Variants in LRMDA observed in about 807,000 individuals in gnomAD.
The protein encoded by LRMDA is leucine rich melanocyte differentiation associated.
Under a neutral mutation model 29.8 loss-of-function variants are expected in LRMDA, and 18 were observed. That is an observed-to-expected ratio of 0.60 (90% CI 0.42 to 0.90). The LOEUF (loss-of-function observed/expected upper bound fraction) is 0.90. Among genes scored for constraint, LRMDA ranks in the 40% least tolerant of loss-of-function variants. LRMDA has a pLI of 0.00. For missense variants in LRMDA, 273 were observed against 273.9 expected (o/e 1.00, Z 0.02); for synonymous variants, 125 against 109.4 (o/e 1.14, Z -0.89).
intron 2 of LRMDA, among the ~76,000 whole-genome samples, chr10:76,022,831 C>G (rs945348537): frequency 6.6e-6 from 1 of 152,148 alleles, no homozygotes; most frequent in African/African-American, 2.4e-5. Context: ...TGTTAGGGTA[C>G]CTTTCTATTC....
chr10:75,661,313 G>GA (rs1202906800), intron 2 of LRMDA, among the ~76,000 whole-genome samples: 32 of 152,230 alleles, frequency 2.1e-4, no homozygotes, highest in Non-Finnish European at 4.4e-4. Context: ...GAACTTCTCA[G>GA]AGAAGATACT....
intron 6 of LRMDA, among the ~76,000 whole-genome samples, chr10:76,334,798 A>C (rs1840947273): frequency 6.6e-6 from 1 of 151,870 alleles, no homozygotes; most frequent in African/African-American, 2.4e-5. Flanking sequence ...TCAATCAGTC[A>C]CTCAACCATG....
At chr10:75,692,220 ATATAT>A (rs1425273036) in intron 2 of LRMDA, among the ~76,000 whole-genome samples, 7,550 of 61,232 alleles carry the variant, frequency 0.12, 309 homozygotes, top group Middle Eastern at 0.15. Flanking sequence ...AAAAAAAAAA[ATATAT>A]ATATATATAT....
chr10:75,447,476 A>T (rs1844408450), intron 2 of LRMDA, among the ~76,000 whole-genome samples: 1 of 152,186 alleles, frequency 6.6e-6, no homozygotes, highest in South Asian at 2.1e-4. Context: ...CAATGAGCCA[A>T]GATCACACCA....
intron 6 of LRMDA, among the ~76,000 whole-genome samples, chr10:76,504,136 T>A (rs1307523220): frequency 1.3e-5 from 2 of 151,992 alleles, no homozygotes; most frequent in African/African-American, 4.8e-5. Context: ...ATTTGTATAG[T>A]TTTGAGAGAT....
intron 5 of LRMDA, among the ~76,000 whole-genome samples, chr10:76,322,463 G>A (rs1334704328): frequency 6.6e-6 from 1 of 152,214 alleles, no homozygotes; most frequent in African/African-American, 2.4e-5. Flanking sequence ...GAGCAGGAAA[G>A]TAATTAAGTG....
At chr10:75,655,702 A>G (rs1841661362) in intron 2 of LRMDA, among the ~76,000 whole-genome samples, 1 of 152,200 alleles carries the variant, frequency 6.6e-6, no homozygotes, top group South Asian at 2.1e-4. Context: ...GTCTGTTCAG[A>G]GGAGGAGAAA....
Position 76,536,480 on chromosome 10 carries a change from G to A in LRMDA, c.602-20729G>A, listed in dbSNP as rs546938080. Among the ~76,000 whole-genome samples, 8 of 152,166 alleles carry A rather than the reference G, an allele frequency of 5.3e-5. No homozygotes were observed. The South Asian group carries it at 1.7e-3, about 32-fold the overall frequency. On this transcript the variant is annotated intron_variant, in intron 6 of 6. Coordinates refer to ENST00000611255, the MANE Select transcript of LRMDA (RefSeq NM_001305581.2). ...ATCTTTGTTGAAAGAAGCTCTCCAG[G>A]TGATTCTGATGAAACTGAAGAGCGA... is the stretch of plus-strand genomic sequence containing the variant.
intron 6 of LRMDA, among the ~76,000 whole-genome samples, chr10:76,443,068 G>A (rs1349228087): frequency 1.3e-5 from 2 of 152,170 alleles, no homozygotes; most frequent in African/African-American, 4.8e-5. Context: ...TAGCTATGGA[G>A]TCAGGAATAG....
intron 2 of LRMDA, among the ~76,000 whole-genome samples, chr10:75,558,476 CTT>C (rs1329128136): frequency 2.6e-5 from 4 of 151,862 alleles, no homozygotes; most frequent in African/African-American, 9.7e-5. Flanking sequence ...TGACTTCTGT[CTT>C]ATATCTTTTT....
At chr10:76,084,231 T>C (rs1849096628) in intron 5 of LRMDA, among the ~76,000 whole-genome samples, 1 of 151,948 alleles carries the variant, frequency 6.6e-6, no homozygotes, top group African/African-American at 2.4e-5. Flanking sequence ...GGAGTCTTGC[T>C]CTGTCACCCA....
chr10:75,575,096 A>G (rs1193198062), intron 2 of LRMDA, among the ~76,000 whole-genome samples: 4 of 152,146 alleles, frequency 2.6e-5, no homozygotes, highest in Non-Finnish European at 5.9e-5. Flanking sequence ...TCAAATGACC[A>G]TATCTCATGA....
At chr10:75,571,476 G>A (rs1285523470) in intron 2 of LRMDA, among the ~76,000 whole-genome samples, 3 of 152,132 alleles carry the variant, frequency 2.0e-5, no homozygotes, top group Admixed American at 6.5e-5. Context: ...GGGAAAAGCT[G>A]TGCTTTTGTT....
At chr10:76,348,060 T>C (rs550891661) in intron 6 of LRMDA, among the ~76,000 whole-genome samples, 265 of 152,252 alleles carry the variant, frequency 1.7e-3, no homozygotes, top group Non-Finnish European at 2.7e-3. Flanking sequence ...ATTTTGATTT[T>C]AGATATGCTG....
chr10:76,015,293 T>C (rs1213271247), intron 2 of LRMDA, among the ~76,000 whole-genome samples: 1 of 152,208 alleles, frequency 6.6e-6, no homozygotes, highest in Non-Finnish European at 1.5e-5. Context: ...CACAAGCCTG[T>C]GGTTAAGGCA....
At chr10:76,231,541 T>G (rs1227439823) in intron 5 of LRMDA, among the ~76,000 whole-genome samples, 1 of 152,222 alleles carries the variant, frequency 6.6e-6, no homozygotes, top group Non-Finnish European at 1.5e-5. Context: ...ATCTTGGTGC[T>G]GACTGTAAAC....
At chr10:76,448,687 C>T (rs74148479) in intron 6 of LRMDA, among the ~76,000 whole-genome samples, 7,029 of 151,898 alleles carry the variant, frequency 0.046, 415 homozygotes, top group African/African-American at 0.14. Context: ...TTCTGGTTTT[C>T]CCAGAGAACC....
chr10:76,240,675 A>T (rs894289536), intron 5 of LRMDA, among the ~76,000 whole-genome samples: 1 of 151,068 alleles, frequency 6.6e-6, no homozygotes, highest in African/African-American at 2.4e-5. Context: ...ATACTTGAAC[A>T]TGCATGTTTA....
intron 2 of LRMDA, among the ~76,000 whole-genome samples, chr10:75,527,661 A>G (rs1056584255): frequency 3.4e-5 from 5 of 147,976 alleles, no homozygotes; most frequent in South Asian, 4.2e-4. Context: ...ACTGTATACT[A>G]TATAATTATA....
Sources: gnomAD v4.1 joint callset for allele counts (sites outside exome capture counted in the v4.1 genomes callset) on GRCh38, gnomAD v4.1.1 for gene constraint, MANE v1.5 for transcripts, NCBI Gene and HGNC (gene_info 2026-07-23, HGNC 2026-07-21) for gene names.